Variants in KCNMA1 observed in about 807,000 individuals in gnomAD.
The protein encoded by KCNMA1 is potassium calcium-activated channel subfamily M alpha 1, also known as Calcium-activated potassium channel subunit alpha-1.
In KCNMA1, 29 loss-of-function variants were observed where a neutral mutation model predicts 140.0. The observed-to-expected ratio is 0.21, with a 90% confidence interval of 0.15 to 0.28. The LOEUF is 0.28. KCNMA1 is among the 10% of genes least tolerant of loss of function. The pLI is 1.00. For synonymous variants in KCNMA1, 612 were observed against 611.9 expected (o/e 1.00, Z 0.00); for missense variants, 880 against 1,602.2 (o/e 0.55, Z 7.70).
chr10:77,071,485 C>G (rs2096210581), intron 14 of KCNMA1: 1 of 152,188 alleles, frequency 6.6e-6, no homozygotes, highest in Non-Finnish European at 1.5e-5. Context: ...GTCCTTTATC[C>G]TGAGTCTGGG....
intron 1 of KCNMA1, among the ~76,000 whole-genome samples, chr10:77,541,574 C>G (rs899620691): frequency 4.6e-5 from 7 of 152,096 alleles, no homozygotes; most frequent in Non-Finnish European, 7.3e-5. Context: ...CTACGTGACT[C>G]TATTGTTCTA....
At chr10:77,084,555 G>T in intron 12 of KCNMA1, 82 bp downstream of exon 12, 1 of 1,057,932 alleles carries the variant, frequency 9.5e-7, no homozygotes. Flanking sequence ...CATAGAGATA[G>T]TCCTCTGCAG....
intron 14 of KCNMA1, chr10:77,063,953 C>T (rs1029700288): frequency 1.0e-6 from 1 of 985,262 alleles, no homozygotes; most frequent in African/African-American, 1.7e-5. Context: ...ATCCTGCCAG[C>T]CGAGAAGGGC....
intron 10 of KCNMA1, among the ~76,000 whole-genome samples, chr10:77,090,026 C>T (rs1382722211): frequency 6.6e-6 from 1 of 152,152 alleles, no homozygotes; most frequent in East Asian, 1.9e-4. Context: ...GAACTCCTAA[C>T]GTATCCACAC....
chr10:77,055,613 G>T (rs1341035332), intron 14 of KCNMA1, among the ~76,000 whole-genome samples: 1 of 152,082 alleles, frequency 6.6e-6, no homozygotes, highest in East Asian at 1.9e-4. Context: ...GATTAAAGGA[G>T]ATAGGAGAAT....
At chr10:77,304,777 G>A (rs1306151158) in intron 2 of KCNMA1, among the ~76,000 whole-genome samples, 3 of 152,212 alleles carry the variant, frequency 2.0e-5, no homozygotes, top group Non-Finnish European at 2.9e-5. Flanking sequence ...GTTACCTAAA[G>A]ATGTTACTAC....
intron 1 of KCNMA1, among the ~76,000 whole-genome samples, chr10:77,588,609 C>T (rs147506384): frequency 1.3e-5 from 2 of 152,282 alleles, no homozygotes; most frequent in East Asian, 3.9e-4. Flanking sequence ...TCAGGAAGAC[C>T]GGAAGCTGGG....
chr10:77,012,183 T>G, intron 17 of KCNMA1, 140 bp from the exon 18 acceptor site: 1 of 1,531,230 alleles, frequency 6.5e-7, no homozygotes, highest in Non-Finnish European at 8.8e-7. Flanking sequence ...GGTTTAGACA[T>G]TTGCAGACGG....
chr10:77,197,587 A>T (rs958110604), intron 3 of KCNMA1, among the ~76,000 whole-genome samples: 1 of 152,226 alleles, frequency 6.6e-6, no homozygotes, highest in Non-Finnish European at 1.5e-5. Context: ...CCTCAGGCCC[A>T]GTGCTTCAGT....
chr10:77,420,615 C>A, intron 1 of KCNMA1, among the ~76,000 whole-genome samples: 1 of 152,216 alleles, frequency 6.6e-6, no homozygotes, highest in East Asian at 1.9e-4. Flanking sequence ...CTTATTAATT[C>A]TTATATTTCA....
chr10:77,611,328 T>C (rs1311454634), intron 1 of KCNMA1, among the ~76,000 whole-genome samples: 1 of 152,186 alleles, frequency 6.6e-6, no homozygotes, highest in Non-Finnish European at 1.5e-5. Context: ...CCTCCAGAGC[T>C]GCAGCAGCCA....
At chr10:76,942,280 C>A (rs1227358329) in intron 23 of KCNMA1, among the ~76,000 whole-genome samples, 2 of 152,132 alleles carry the variant, frequency 1.3e-5, no homozygotes, top group Non-Finnish European at 2.9e-5. Flanking sequence ...TATAAGGACA[C>A]CAGTCCCATT....
At chr10:77,360,254 C>G (rs1380217487) in intron 2 of KCNMA1, among the ~76,000 whole-genome samples, 2 of 152,136 alleles carry the variant, frequency 1.3e-5, no homozygotes, top group African/African-American at 4.8e-5. Context: ...AGCTATGATT[C>G]CAGGGCAGCC....
At chr10:77,339,015 G>A (rs1188657305) in intron 2 of KCNMA1, among the ~76,000 whole-genome samples, 2 of 152,112 alleles carry the variant, frequency 1.3e-5, no homozygotes, top group South Asian at 2.1e-4. Context: ...CCTCCAGGAA[G>A]GCAGACATTG....
At chr10:77,023,147 G>T (rs551943195) in intron 16 of KCNMA1, among the ~76,000 whole-genome samples, 2 of 152,180 alleles carry the variant, frequency 1.3e-5, no homozygotes, top group African/African-American at 4.8e-5. Context: ...CACTGGTCAG[G>T]TTGGAAGACT....
At chr10:77,634,768 G>T in intron 1 of KCNMA1, 8 of 280,580 alleles carry the variant, frequency 2.9e-5, no homozygotes, top group Non-Finnish European at 3.5e-5. Flanking sequence ...AAAGAAAAAA[G>T]AAAAAAAGAC....
At chr10:77,613,295 C>T (rs1000392008) in intron 1 of KCNMA1, among the ~76,000 whole-genome samples, 5 of 152,188 alleles carry the variant, frequency 3.3e-5, no homozygotes, top group Non-Finnish European at 7.3e-5. Context: ...AGTTTAAAAC[C>T]TCCCAGGAGC....
At chr10:77,535,679 G>A (rs1056827073) in intron 1 of KCNMA1, among the ~76,000 whole-genome samples, 22 of 152,100 alleles carry the variant, frequency 1.4e-4, no homozygotes, top group Non-Finnish European at 5.9e-5. Flanking sequence ...AGAAAATGTG[G>A]TACATATACA....
chr10:77,195,571 T>C (rs1257135705), intron 3 of KCNMA1, among the ~76,000 whole-genome samples: 1 of 152,206 alleles, frequency 6.6e-6, no homozygotes. Flanking sequence ...CTTTTCCTTT[T>C]TTTTTCTTTC....
Sources: gnomAD v4.1 joint callset for allele counts (sites outside exome capture counted in the v4.1 genomes callset) on GRCh38, gnomAD v4.1.1 for gene constraint, MANE v1.5 for transcripts, NCBI Gene and HGNC (gene_info 2026-07-23, HGNC 2026-07-21) for gene names.